Variants in TANGO6 observed in about 807,000 individuals in gnomAD.
TANGO6 encodes transport and golgi organization 6 homolog.
TANGO6 carries 90 observed loss-of-function variants against 114.2 expected under a neutral mutation model. The observed-to-expected ratio is 0.79, with a 90% CI of 0.66 to 0.94. The LOEUF is 0.94. TANGO6 is among the 40% of genes least tolerant of loss of function. The probability of loss-of-function intolerance (pLI) is 0.00; values close to 1 mark genes in which losing one functional copy is unlikely to be tolerated. For missense variants in TANGO6, 1,274 were observed against 1,315.3 expected, an observed-to-expected ratio of 0.97 and a Z score of 0.49; for synonymous variants, 477 against 509.8, an observed-to-expected ratio of 0.94 and a Z score of 0.87.
chr16:68,852,893 T>C (rs1343262291), intron 1 of TANGO6, among the ~76,000 whole-genome samples: 1 of 152,082 alleles, frequency 6.6e-6, no homozygotes, highest in African/African-American at 2.4e-5. Flanking sequence ...CTTATACACA[T>C]CATTTAGATT....
At chr16:69,037,921 T>C (rs1959716040) in intron 16 of TANGO6, among the ~76,000 whole-genome samples, 1 of 152,246 alleles carries the variant, frequency 6.6e-6, no homozygotes, top group East Asian at 1.9e-4. Flanking sequence ...CTTTGAACTA[T>C]GCCCAACTGT....
intron 14 of TANGO6, among the ~76,000 whole-genome samples, chr16:68,967,015 A>G (rs1963652682): frequency 6.6e-6 from 1 of 151,926 alleles, no homozygotes; most frequent in African/African-American, 2.4e-5. Context: ...CAAGTGATCC[A>G]CCTACTTCAG....
intron 16 of TANGO6, among the ~76,000 whole-genome samples, chr16:69,030,044 G>C (rs251101): frequency 0.35 from 51,918 of 149,564 alleles, 10,673 homozygotes; most frequent in East Asian, 0.57. Context: ...GCAGGCAGAG[G>C]TTGCAGTGAG....
chr16:69,031,849 G>T (rs756858661), intron 16 of TANGO6, among the ~76,000 whole-genome samples: 5 of 151,818 alleles, frequency 3.3e-5, no homozygotes, highest in Non-Finnish European at 7.4e-5. Flanking sequence ...TTTTAGTAGA[G>T]ATGGGGTTTC....
In TANGO6 at chr16:69,068,651, T is replaced by G. The variant is rs540976011; in HGVS notation, c.3109-14834T>G. Among the ~76,000 whole-genome samples the G allele has an allele frequency of 2.4e-3, 360 of 152,314 alleles. 2 individuals carry two copies. Among genetic ancestry groups the G allele is most frequent in the African/African-American group, 8.4e-3 (349 of 41,586 alleles). On this transcript the variant is annotated intron_variant, in intron 17 of 17. Transcript: ENST00000261778. ...CCTGGCCCTCACAGAGGTCACAGTC[T>G]TCACTGACAAACCATCACTTCTTTA...
intron 3 of TANGO6, among the ~76,000 whole-genome samples, chr16:68,866,635 A>AG (rs1962182115): frequency 6.7e-6 from 1 of 149,742 alleles, no homozygotes; most frequent in South Asian, 2.1e-4. Flanking sequence ...GTCTCAAAAA[A>AG]AAAAAAAAAA....
chr16:68,981,231 T>TG (rs1224435864), intron 15 of TANGO6, among the ~76,000 whole-genome samples: 66 of 147,024 alleles, frequency 4.5e-4, no homozygotes, highest in African/African-American at 1.5e-3. Context: ...TTTTTTTTTT[T>TG]GCGGAGTCTT....
In TANGO6 at chr16:68,980,435, A is replaced by ATAT. The variant is rs1317961639; in HGVS notation, c.2842+6268_2842+6269insATT. On this transcript the variant is annotated intron_variant, in intron 15 of 17. Coordinates refer to ENST00000261778, the MANE Select transcript of TANGO6 (RefSeq NM_024562.2). ...TATATATATATATATATATATATAT[A>ATAT]TTTTTTTTTTTTTTTTTGAGATAGG... 1.1e-3 allele frequency among the ~76,000 whole-genome samples: 68 copies of ATAT among 61,774 alleles called. 1 individual carries two copies. Among genetic ancestry groups the ATAT allele is most frequent in the East Asian group, 2.7e-3 (6 of 2,192 alleles). 40.5% of individuals were successfully genotyped at this position (61,774 alleles called of 152,430 possible).
intron 14 of TANGO6, chr16:68,948,106 A>T (rs895432624): frequency 6.6e-6 from 1 of 152,134 alleles, no homozygotes; most frequent in Non-Finnish European, 1.5e-5. Flanking sequence ...CTTGAGTTTT[A>T]CACTAGCTTC....
chr16:68,976,092 A>G (rs764372502), intron 15 of TANGO6, among the ~76,000 whole-genome samples: 3 of 151,592 alleles, frequency 2.0e-5, no homozygotes, highest in Non-Finnish European at 4.4e-5. Flanking sequence ...ATGCCACCAC[A>G]CCTGGCTAAT....
chr16:69,052,054 C>T (rs1310205498), intron 17 of TANGO6, among the ~76,000 whole-genome samples: 1 of 150,158 alleles, frequency 6.7e-6, no homozygotes, highest in African/African-American at 2.4e-5. Context: ...CTCAGACAAT[C>T]CTCCCACCAT....
intron 15 of TANGO6, among the ~76,000 whole-genome samples, chr16:68,980,426 TA>T (rs1567552555): frequency 1.9e-5 from 2 of 103,386 alleles, no homozygotes; most frequent in African/African-American, 4.0e-5. Context: ...TATATATATA[TA>T]TATATATATT....
rs1453791440 is a variant in TANGO6, at chr16:69,083,768, C to G, written c.*107C>G. The G allele has an allele frequency of 1.5e-4, 191 of 1,312,854 alleles. No individual in the cohort carries two copies. The highest frequency in any genetic ancestry group is 1.9e-4 in the Non-Finnish European group (187 of 972,528). 81.3% of individuals were successfully genotyped at this position (1,312,854 alleles called of 1,614,324 possible). On this transcript the variant is annotated 3_prime_UTR_variant, in exon 18 of 18. Coordinates refer to ENST00000261778, the MANE Select transcript of TANGO6 (RefSeq NM_024562.2). Reference sequence around the variant, plus strand: ...TGCCTCTTGAGTGCTGGCAGCATGGCTGACCCTCGGGGTGGTTTTATGGTG... The same window carrying G: ...TGCCTCTTGAGTGCTGGCAGCATGGGTGACCCTCGGGGTGGTTTTATGGTG...
At chr16:68,934,793 C>G (rs1259569162) in intron 14 of TANGO6, among the ~76,000 whole-genome samples, 1 of 152,056 alleles carries the variant, frequency 6.6e-6, no homozygotes, top group Non-Finnish European at 1.5e-5. Context: ...GGTGGCATGT[C>G]ATTCTAATGT....
At chr16:68,881,964 T>C (rs1437725187) in intron 7 of TANGO6, among the ~76,000 whole-genome samples, 1 of 152,056 alleles carries the variant, frequency 6.6e-6, no homozygotes, top group Non-Finnish European at 1.5e-5. Context: ...CTGGTGAATA[T>C]AGTGAGACCC....
intron 11 of TANGO6, among the ~76,000 whole-genome samples, chr16:68,916,457 C>A: frequency 6.6e-6 from 1 of 152,028 alleles, no homozygotes; most frequent in African/African-American, 2.4e-5. Context: ...GCCCCTCTCC[C>A]CCTCCCGCCC....
At position 68,878,157 on chromosome 16, in the gene TANGO6, C is replaced by T. The variant is rs774043332; in HGVS notation, c.1171C>T (p.Arg391Ter). The T allele has an allele frequency of 5.2e-5, 83 of 1,610,810 alleles. No homozygotes were observed. The highest frequency in any genetic ancestry group is 5.8e-5 in the Non-Finnish European group (68 of 1,178,888). ...TCACTTTCAAGATAAATTGACAGCA[C>T]GACAATTTCAGAGAGTTGCCACCAC... Reference protein sequence around the residue: ...LFHFQDKLTARQFQRVATTTF... With the variant: ...LFHFQDKLTA Residue 391 changes from arginine to a stop codon, truncating the protein, a stop_gained, in exon 6 of 18, where the codon CGA becomes TGA. Transcript: ENST00000261778. LOFTEE classifies it high-confidence loss of function.
chr16:68,959,201 A>G (rs919167179), intron 14 of TANGO6, among the ~76,000 whole-genome samples: 3 of 152,218 alleles, frequency 2.0e-5, no homozygotes, highest in African/African-American at 7.2e-5. Context: ...TGCTCATTTC[A>G]CAATGATCGC....
At chr16:69,022,077 G>C (rs538227492) in intron 15 of TANGO6, among the ~76,000 whole-genome samples, 3 of 151,702 alleles carry the variant, frequency 2.0e-5, no homozygotes, top group Admixed American at 2.0e-4. Context: ...AGTAGAGACG[G>C]GGGTTTCACC....
Sources: gnomAD v4.1 joint callset for allele counts (sites outside exome capture counted in the v4.1 genomes callset) on GRCh38, gnomAD v4.1.1 for gene constraint, MANE v1.5 for transcripts, NCBI Gene and HGNC (gene_info 2026-07-23, HGNC 2026-07-21) for gene names.